Variants in FSTL4 observed in about 807,000 individuals in gnomAD.
FSTL4 encodes the protein follistatin like 4, also known as follistatin-related protein 4.
A neutral mutation model predicts 78.2 loss-of-function variants in FSTL4; 28 were observed. That is an observed-to-expected ratio of 0.36 (90% CI 0.27 to 0.49). The LOEUF (loss-of-function observed/expected upper bound fraction) is 0.49, where lower values mean the gene tolerates loss of function less well. Ranked by LOEUF, FSTL4 falls within the 20% of genes least tolerant of loss-of-function variation. The pLI is 0.98. For missense variants in FSTL4, 922 were observed against 1,084.9 expected (o/e 0.85, Z 2.11); for synonymous variants, 422 against 440.5 (o/e 0.96, Z 0.53).
chr5:133,780,836 G>A, the FSTL4 span, among the ~76,000 whole-genome samples: 1 of 152,300 alleles, frequency 6.6e-6, no homozygotes, highest in South Asian at 2.1e-4. Context: ...ATGTGGGCCA[G>A]GGCGCCAAGC....
In FSTL4 at chr5:133,612,052, C is replaced by G. The variant is rs1761109553; in HGVS notation, c.-11+273G>C. Among the ~76,000 whole-genome samples the G allele has an allele frequency of 6.6e-6, 1 of 152,102 alleles. No individual in the cohort carries two copies. Among genetic ancestry groups the G allele is most frequent in the Non-Finnish European group, 1.5e-5 (1 of 67,984 alleles). On this transcript the variant is annotated intron_variant, in intron 1 of 15. Transcript: ENST00000265342. The surrounding 1 kb of genome is among the most constrained non-coding windows in gnomAD (Gnocchi z 6.2). ...GTCACTCCGGTCCCCACCGTAGACCCCGGCCACGAGCCTCGGCGTCCCAGC... is the reference window on the plus strand; with the variant it reads ...GTCACTCCGGTCCCCACCGTAGACCGCGGCCACGAGCCTCGGCGTCCCAGC...
At chr5:133,743,860 C>G in the FSTL4 span, among the ~76,000 whole-genome samples, 1 of 152,326 alleles carries the variant, frequency 6.6e-6, no homozygotes, top group East Asian at 1.9e-4. Flanking sequence ...TTCTGTCCAC[C>G]AGCAATTGGT....
At chr5:133,785,471 C>CCAG in the FSTL4 span, among the ~76,000 whole-genome samples, 3 of 152,188 alleles carry the variant, frequency 2.0e-5, no homozygotes, top group African/African-American at 7.2e-5. Flanking sequence ...ATGCCTCTGA[C>CCAG]CAGTACTCTT....
chr5:133,277,037 CGCGGTGGCTCACTCCTG>C (rs1752898759), intron 6 of FSTL4, among the ~76,000 whole-genome samples: 1 of 152,144 alleles, frequency 6.6e-6, no homozygotes, highest in Non-Finnish European at 1.5e-5. Flanking sequence ...ATAGGCTGGG[CGCGGTGGCTCACTCCTG>C]TAATTCCAGC....
chr5:133,376,531 G>T lies in FSTL4; in HGVS notation c.409+24207C>A, dbSNP rs75839587. On this transcript the variant is annotated intron_variant, in intron 4 of 15. Coordinates refer to ENST00000265342, the MANE Select transcript of FSTL4 (RefSeq NM_015082.2). ...AAATAAATATAAATGGTGAAATGAT[G>T]ATTTTGATTTTAAAAAAAACACACA... 8.2e-3 allele frequency among the ~76,000 whole-genome samples: 1,253 copies of T among 152,182 alleles called. 14 individuals carry two copies. Among genetic ancestry groups the T allele is most frequent in the African/African-American group, 0.029 (1,196 of 41,514 alleles).
Position 133,338,590 on chromosome 5 carries a change from C to G in FSTL4, c.410-21938G>C, listed in dbSNP as rs1754519238. Among the ~76,000 whole-genome samples, 1 of 152,076 alleles carries G rather than the reference C, an allele frequency of 6.6e-6. No homozygotes were observed. The highest frequency in any genetic ancestry group is 2.4e-5 in the African/African-American group (1 of 41,390). On this transcript the variant is annotated intron_variant, in intron 4 of 15. Transcript: ENST00000265342. This position sits in a 1 kb window ranked among gnomAD's most constrained non-coding sequence, Gnocchi z 4.0. ...GCTTGGAGCGGTGTCTACTCACTAT[C>G]CAGCCCAGTATCCACTATCCTCTCT... is the stretch of plus-strand genomic sequence containing the variant.
chr5:133,802,743 T>C, the FSTL4 span, among the ~76,000 whole-genome samples: 1 of 152,248 alleles, frequency 6.6e-6, no homozygotes, highest in Non-Finnish European at 1.5e-5. Context: ...CCATCCCTTC[T>C]GCTCTCCTTG....
chr5:133,520,536 G>A (rs546160013), intron 3 of FSTL4, among the ~76,000 whole-genome samples: 1 of 152,250 alleles, frequency 6.6e-6, no homozygotes, highest in South Asian at 2.1e-4. Flanking sequence ...AAGAAAAAAT[G>A]GTGCATTCTT....
At chr5:133,750,338 T>G in the FSTL4 span, among the ~76,000 whole-genome samples, 1 of 152,170 alleles carries the variant, frequency 6.6e-6, no homozygotes, top group Admixed American at 6.5e-5. Context: ...TGGCAGAAGG[T>G]GCTTTTTGGA....
intron 3 of FSTL4, among the ~76,000 whole-genome samples, chr5:133,517,010 G>A (rs1037445514): frequency 1.3e-5 from 2 of 151,642 alleles, no homozygotes; most frequent in Admixed American, 6.6e-5. Flanking sequence ...CCAGGAATTC[G>A]AGGCTACAGT....
Position 133,225,199 on chromosome 5 carries a change from C to G in FSTL4, c.1263G>C (p.Val421=), listed in dbSNP as rs1751288033. 1.2e-6 allele frequency: 2 copies of G among 1,613,998 alleles called. No individual in the cohort carries two copies. The highest frequency in any genetic ancestry group is 1.7e-6 in the Non-Finnish European group (2 of 1,179,994). ...TGAAGAGCGAGGAGATATCTTCATC[C>G]ACACCCACTTCATTTTTGGCAATGC... ...YTCIAKNEVG[V]DEDISSLFIE... is the part of the protein sequence containing the mutation. The change falls in exon 10 of 16, where the codon GTG becomes GTC. Residue 421 remains valine, a synonymous_variant. Transcript: ENST00000265342. This position sits in a 1 kb window ranked among gnomAD's most constrained non-coding sequence, Gnocchi z 4.6.
chr5:133,271,231 T>C (rs1207549984), intron 6 of FSTL4, among the ~76,000 whole-genome samples: 3 of 152,200 alleles, frequency 2.0e-5, no homozygotes, highest in African/African-American at 4.8e-5. Flanking sequence ...ATTGAGACAA[T>C]TGTAGTGCTT....
chr5:133,572,202 G>A (rs1330360551), intron 2 of FSTL4, among the ~76,000 whole-genome samples: 1 of 152,218 alleles, frequency 6.6e-6, no homozygotes, highest in Non-Finnish European at 1.5e-5. Context: ...GCAACAGTAA[G>A]TGGGATAGCT....
chr5:133,734,003 C>A, the FSTL4 span, among the ~76,000 whole-genome samples: 1 of 152,252 alleles, frequency 6.6e-6, no homozygotes, highest in African/African-American at 2.4e-5. Context: ...GGTTCCTCAA[C>A]AGAGAACTCT....
chr5:133,541,182 G>A lies in FSTL4; in HGVS notation c.160+26004C>T, dbSNP rs542380884. 3.9e-5 allele frequency among the ~76,000 whole-genome samples: 6 copies of A among 152,318 alleles called. No homozygotes were observed. The South Asian group carries it at 1.2e-3, about 32-fold the overall frequency. On this transcript the variant is annotated intron_variant, in intron 3 of 15. Transcript: ENST00000265342. ...AACAACAAGCGTTGCATTATTTCTC[G>A]ATATTTCTGTAGGTCAGATATCTGG...
At chr5:133,662,529 A>G in the FSTL4 span, among the ~76,000 whole-genome samples, 1 of 151,274 alleles carries the variant, frequency 6.6e-6, no homozygotes, top group Non-Finnish European at 1.5e-5. Context: ...TGTCCCTGCC[A>G]AAATGTTTTC....
the FSTL4 span, among the ~76,000 whole-genome samples, chr5:133,816,999 G>T: frequency 6.6e-6 from 1 of 152,172 alleles, no homozygotes; most frequent in East Asian, 1.9e-4. Flanking sequence ...GCTGCCCACA[G>T]ATACCCAGGC....
At chr5:133,528,048 A>C (rs547907305) in intron 3 of FSTL4, among the ~76,000 whole-genome samples, 1 of 152,332 alleles carries the variant, frequency 6.6e-6, no homozygotes, top group East Asian at 1.9e-4. Flanking sequence ...AACCTTGATA[A>C]GTGTTATCAT....
chr5:133,603,857 C>CCT lies in FSTL4; in HGVS notation c.125_126dup (p.Glu43ArgfsTer107), dbSNP rs773932000. 1 of 1,613,960 alleles carries CCT rather than the reference C, an allele frequency of 6.2e-7. No individual in the cohort carries two copies. The highest frequency in any genetic ancestry group is 8.5e-7 in the Non-Finnish European group (1 of 1,179,842). ...TTATGTCCGCAGGGATTTGACTATA[C>CCT]CTCTGCCTGTGACTCCCCCACACCC... On this transcript the variant is annotated frameshift_variant and splice_region_variant. Transcript: ENST00000265342. LOFTEE classifies it high-confidence loss of function.
Sources: allele counts gnomAD v4.1 joint callset (sites outside exome capture counted in the v4.1 genomes callset), GRCh38; gene constraint gnomAD v4.1.1; non-coding constraint Gnocchi (gnomAD v3.1); transcripts MANE v1.5; gene names NCBI Gene and HGNC (gene_info 2026-07-23, HGNC 2026-07-21).